The following ITFG1 variants were observed in gnomAD, a reference collection of about 807,000 sequenced individuals.
ITFG1 encodes T-cell immunomodulatory protein.
In ITFG1, 34 loss-of-function variants were observed where a neutral mutation model predicts 81.8. The observed-to-expected ratio is 0.42, with a 90% CI of 0.32 to 0.55. The LOEUF is 0.55. ITFG1 is among the 20% of genes least tolerant of loss of function. The pLI is 0.17. For missense variants in ITFG1, 672 were observed against 755.4 expected (o/e 0.89, Z 1.29); for synonymous variants, 285 against 270.6 (o/e 1.05, Z -0.52).
At chr16:47,177,103 G>A (rs1265540631) in intron 14 of ITFG1, among the ~76,000 whole-genome samples, 2 of 151,950 alleles carry the variant, frequency 1.3e-5, no homozygotes, top group Non-Finnish European at 1.5e-5. Context: ...GGGAGTATAG[G>A]CACATGACAT....
chr16:47,203,535 C>G (rs1444589695), intron 14 of ITFG1, among the ~76,000 whole-genome samples: 1 of 152,170 alleles, frequency 6.6e-6, no homozygotes, highest in Non-Finnish European at 1.5e-5. Context: ...TGATGGGAGA[C>G]AGTGACAGAT....
At chr16:47,412,488 C>T (rs1968823628) in intron 6 of ITFG1, among the ~76,000 whole-genome samples, 1 of 152,018 alleles carries the variant, frequency 6.6e-6, no homozygotes. Flanking sequence ...TCAAGACCAG[C>T]CTGGCCAACA....
chr16:47,162,571 T>C lies in ITFG1; in HGVS notation c.1547A>G (p.Tyr516Cys). ...TCCAGATGGACGGGGAATACCAACG[T>C]AGAGATGGTCAAGAAAATTTGCGCT... is the stretch of plus-strand genomic sequence containing the variant. ...GRSANFLDHL[Y>C]VGIPRPSGEK... Residue 516 changes from tyrosine (Y) to cysteine (C), a missense_variant, in exon 15 of 18, where the codon TAC (tyrosine) becomes TGC (cysteine). Around this residue, in one of 3 missense-constraint regions of ITFG1, gnomAD observed 560 missense variants for 625.7 expected, o/e 0.90. Coordinates refer to ENST00000320640, the MANE Select transcript of ITFG1 (RefSeq NM_030790.5). The C allele has an allele frequency of 6.2e-7, 1 of 1,612,214 alleles. No individual in the cohort carries two copies. The highest frequency in any genetic ancestry group is 2.2e-5 in the East Asian group (1 of 44,804).
intron 14 of ITFG1, among the ~76,000 whole-genome samples, chr16:47,179,277 CAT>C (rs1388252830): frequency 1.3e-5 from 2 of 152,314 alleles, no homozygotes; most frequent in Non-Finnish European, 2.9e-5. Flanking sequence ...CACATGCGCA[CAT>C]ATGTTTATTG....
chr16:47,253,002 T>G (rs1299709274), intron 12 of ITFG1, among the ~76,000 whole-genome samples: 1 of 152,210 alleles, frequency 6.6e-6, no homozygotes, highest in Non-Finnish European at 1.5e-5. Context: ...ATATTTATGT[T>G]AATATCTTTA....
intron 14 of ITFG1, among the ~76,000 whole-genome samples, chr16:47,197,500 T>C (rs1193525673): frequency 1.3e-5 from 2 of 152,042 alleles, no homozygotes; most frequent in Non-Finnish European, 2.9e-5. Flanking sequence ...CTTTATGTAT[T>C]TACCTATAAC....
rs560524624 is a variant in ITFG1, at chr16:47,285,463, C to A, written c.1071-24768G>T. ...AGCCACTCCAGCAAATTAACTCATA[C>A]CAAAGGAGGGGGTCATGGGAACCCC... On this transcript the variant is annotated intron_variant, in intron 10 of 17. Coordinates refer to ENST00000320640, the MANE Select transcript of ITFG1 (RefSeq NM_030790.5). 2.6e-5 allele frequency among the ~76,000 whole-genome samples: 4 copies of A among 152,264 alleles called. No individual in the cohort carries two copies. In the South Asian group the frequency reaches 8.3e-4, roughly 32 times the overall value.
intron 10 of ITFG1, among the ~76,000 whole-genome samples, chr16:47,277,568 T>C (rs987418140): frequency 6.6e-6 from 1 of 152,230 alleles, no homozygotes; most frequent in Non-Finnish European, 1.5e-5. Flanking sequence ...TGGTCAACTG[T>C]ATAAGAATAT....
At chr16:47,362,055 C>T (rs59897635) in intron 8 of ITFG1, among the ~76,000 whole-genome samples, 1,871 of 152,304 alleles carry the variant, frequency 0.012, 37 homozygotes, top group African/African-American at 0.043. Flanking sequence ...AGCTCCCTCT[C>T]CTGATTTACC....
rs958963308 is a variant in ITFG1, at chr16:47,358,448, T to A, written c.802+7340A>T. 5.3e-5 allele frequency among the ~76,000 whole-genome samples: 8 copies of A among 152,304 alleles called. No homozygotes were observed. In the South Asian group the frequency reaches 1.7e-3, roughly 32 times the overall value. ...GTTGTTATCTACTGGTCAGAATTCA[T>A]GAATTAGAAAATGTAAATAGGAAGA... On this transcript the variant is annotated intron_variant, in intron 8 of 17. Transcript: ENST00000320640.
At chr16:47,271,515 A>C (rs537655585) in intron 10 of ITFG1, among the ~76,000 whole-genome samples, 1 of 152,334 alleles carries the variant, frequency 6.6e-6, no homozygotes, top group African/African-American at 2.4e-5. Context: ...GTAGACGGGA[A>C]TATAAAATGG....
intron 10 of ITFG1, among the ~76,000 whole-genome samples, chr16:47,309,136 T>G (rs1248050588): frequency 6.6e-6 from 1 of 151,544 alleles, no homozygotes; most frequent in Non-Finnish European, 1.5e-5. Context: ...TGCTGTGATC[T>G]TGGCTCACTG....
chr16:47,321,867 G>C (rs1967453521), intron 8 of ITFG1, among the ~76,000 whole-genome samples: 1 of 151,992 alleles, frequency 6.6e-6, no homozygotes, highest in Admixed American at 6.6e-5. Context: ...TTTTTAAAAT[G>C]CTCATAAACC....
chr16:47,163,269 C>T (rs924693197), intron 14 of ITFG1, among the ~76,000 whole-genome samples: 1 of 152,200 alleles, frequency 6.6e-6, no homozygotes, highest in African/African-American at 2.4e-5. Flanking sequence ...GAAAGAAACT[C>T]CATACACATG....
At chr16:47,266,342 G>A (rs1217579201) in intron 10 of ITFG1, among the ~76,000 whole-genome samples, 1 of 152,010 alleles carries the variant, frequency 6.6e-6, no homozygotes, top group Non-Finnish European at 1.5e-5. Context: ...CTCAGCCTCT[G>A]GAGTAGCTGG....
chr16:47,306,146 T>C (rs1407189848), intron 10 of ITFG1, among the ~76,000 whole-genome samples: 5 of 151,780 alleles, frequency 3.3e-5, no homozygotes, highest in African/African-American at 9.7e-5. Context: ...ATAACCACAA[T>C]GACAAAAATA....
At chr16:47,340,026 G>A (rs758669424) in intron 8 of ITFG1, among the ~76,000 whole-genome samples, 1 of 152,076 alleles carries the variant, frequency 6.6e-6, no homozygotes, top group African/African-American at 2.4e-5. Flanking sequence ...CATCAGAAAC[G>A]ACAGAGGCCA....
intron 6 of ITFG1, among the ~76,000 whole-genome samples, chr16:47,389,864 G>A (rs775856714): frequency 6.6e-5 from 10 of 152,182 alleles, no homozygotes; most frequent in East Asian, 3.8e-4. Flanking sequence ...AAGCAGTAAC[G>A]TAGGAGTAGA....
intron 12 of ITFG1, among the ~76,000 whole-genome samples, chr16:47,251,214 A>G (rs1320687576): frequency 1.3e-5 from 2 of 152,204 alleles, no homozygotes; most frequent in African/African-American, 2.4e-5. Context: ...CCACAGGAGT[A>G]AGTCAGGGCT....
Sources: allele counts gnomAD v4.1 joint callset (sites outside exome capture counted in the v4.1 genomes callset), GRCh38; gene constraint gnomAD v4.1.1; regional missense constraint gnomAD v4.1.1; transcripts MANE v1.5; gene names NCBI Gene and HGNC (gene_info 2026-07-23, HGNC 2026-07-21).